The following COL5A1 variants were observed in gnomAD, a reference collection of about 807,000 sequenced individuals.
COL5A1 encodes collagen alpha-1(V) chain.
In COL5A1, 16 loss-of-function variants were observed where a neutral mutation model predicts 263.7. The observed-to-expected ratio is 0.06, with a 90% CI of 0.04 to 0.09. The LOEUF (loss-of-function observed/expected upper bound fraction) is 0.09, where lower values mean the gene tolerates loss of function less well. Among genes scored for constraint, COL5A1 ranks in the 10% least tolerant of loss-of-function variants. The pLI is 1.00. For missense variants in COL5A1, 2,036 were observed against 2,540.5 expected (o/e 0.80, Z 4.27); for synonymous variants, 1,012 against 1,004.5 (o/e 1.01, Z -0.14).
At chr9:134,669,072 C>G (rs909223500) in intron 1 of COL5A1, among the ~76,000 whole-genome samples, 3 of 150,774 alleles carry the variant, frequency 2.0e-5, no homozygotes, top group African/African-American at 7.3e-5. Context: ...TTCCATCCAT[C>G]CATCCACCCA....
Position 134,647,901 on chromosome 9 carries a change from C to A in COL5A1, c.109+5605C>A, listed in dbSNP as rs537554359. On this transcript the variant is annotated intron_variant, in intron 1 of 65. Coordinates refer to ENST00000371817, the MANE Select transcript of COL5A1 (RefSeq NM_000093.5). This position sits in a 1 kb window ranked among gnomAD's most constrained non-coding sequence, Gnocchi z 5.0. Reference sequence around the variant, plus strand: ...TCGATCCTGCAGGCGGAGCCCACAGCGGCCCTTGTGGTGGTTACTACTGAG... The same window carrying A: ...TCGATCCTGCAGGCGGAGCCCACAGAGGCCCTTGTGGTGGTTACTACTGAG... Among the ~76,000 whole-genome samples the A allele has an allele frequency of 2.0e-5, 3 of 152,190 alleles. No homozygotes were observed. Among genetic ancestry groups the A allele is most frequent in the Non-Finnish European group, 4.4e-5 (3 of 68,040 alleles).
In COL5A1 at chr9:134,806,169, G is replaced by C. The variant is rs1224927276; in HGVS notation, c.3259-20G>C. 1 of 1,533,286 alleles carries C rather than the reference G, an allele frequency of 6.5e-7. No individual in the cohort carries two copies. 95.0% of individuals were successfully genotyped at this position (1,533,286 alleles called of 1,614,324 possible). ...AGTCTGAGAGCCTTTGAAGCAGACT[G>C]TTTTCTTGCTCCACCTCAGGGATCT... On this transcript the variant is annotated intron_variant, in intron 41 of 65. Coordinates refer to ENST00000371817, the MANE Select transcript of COL5A1 (RefSeq NM_000093.5).
Position 134,806,223 on chromosome 9 carries a change from C to T in COL5A1, c.3293C>T (p.Ala1098Val), listed in dbSNP as rs545755681. ...SPGERGPAGA[A>V]GPIGIPGRPG... ...GGGGAGAGAGGTCCAGCTGGAGCCG[C>T]TGGGCCCATCGGAATTCCAGGGAGA... Residue 1098 changes from alanine to valine, a missense_variant, in exon 42 of 66, where the codon GCT (alanine) becomes GTT (valine). Transcript: ENST00000371817. 3.9e-6 allele frequency: 6 copies of T among 1,550,686 alleles called. No homozygotes were observed. The South Asian group carries it at 7.1e-5, about 18-fold the overall frequency.
chr9:134,745,206 A>G (rs1178433073), intron 11 of COL5A1, among the ~76,000 whole-genome samples: 1 of 152,236 alleles, frequency 6.6e-6, no homozygotes, highest in Non-Finnish European at 1.5e-5. Context: ...AAGCGAGCTC[A>G]GTGTTGAAGA....
At position 134,756,028 on chromosome 9, in the gene COL5A1, G is replaced by T. The variant is rs531736833; in HGVS notation, c.1828-737G>T. ...CAGCCCTCTGTTCTCGCTGGCTGGGGTGCCTCATTGGCGTGGAGGTCTGGC... is the reference window on the plus strand; with the variant it reads ...CAGCCCTCTGTTCTCGCTGGCTGGGTTGCCTCATTGGCGTGGAGGTCTGGC... On this transcript the variant is annotated intron_variant, in intron 16 of 65. Coordinates refer to ENST00000371817, the MANE Select transcript of COL5A1 (RefSeq NM_000093.5). 2.7e-3 allele frequency among the ~76,000 whole-genome samples: 413 copies of T among 152,226 alleles called. 2 individuals carry two copies. Among genetic ancestry groups the T allele is most frequent in the South Asian group, 5.8e-3 (28 of 4,808 alleles).
At chr9:134,728,522 C>A in intron 5 of COL5A1, 148 bp from the exon 6 acceptor site, 2 of 1,065,892 alleles carry the variant, frequency 1.9e-6, no homozygotes, top group Admixed American at 1.7e-5. Context: ...GAGGGAGGAA[C>A]CCCATCCGGG....
intron 2 of COL5A1, among the ~76,000 whole-genome samples, chr9:134,691,988 A>G (rs1033482352): frequency 2.6e-5 from 4 of 152,156 alleles, no homozygotes; most frequent in South Asian, 2.1e-4. Context: ...CCCCTGAAGG[A>G]CACCCTCTTT....
rs1430229673 is a variant in COL5A1 at position 134,843,529 on chromosome 9, A to C, written c.*1226A>C. On this transcript the variant is annotated 3_prime_UTR_variant, in exon 66 of 66. Coordinates refer to ENST00000371817, the MANE Select transcript of COL5A1 (RefSeq NM_000093.5). ...ATCAATGCACGTCACTTTCCTTTCC[A>C]CTGGGCAGGATAGCCAAGCACACTC... The C allele has an allele frequency of 6.6e-6, 1 of 152,460 alleles. No homozygotes were observed. The highest frequency in any genetic ancestry group is 1.5e-5 in the Non-Finnish European group (1 of 68,042). The allele number at this position is 152,460 out of a possible 1,614,324, so 9.4% of individuals were successfully genotyped here.
intron 1 of COL5A1, among the ~76,000 whole-genome samples, chr9:134,674,229 T>C (rs1832625817): frequency 6.6e-6 from 1 of 152,142 alleles, no homozygotes; most frequent in Non-Finnish European, 1.5e-5. Context: ...ACTCATGTGC[T>C]GTGTTATTGC....
At chr9:134,744,529 GCA>G (rs1234181066) in intron 11 of COL5A1, among the ~76,000 whole-genome samples, 3 of 139,244 alleles carry the variant, frequency 2.2e-5, no homozygotes, top group South Asian at 2.4e-4. Context: ...CCCCATACAT[GCA>G]CACTCACACC....
intron 14 of COL5A1, among the ~76,000 whole-genome samples, chr9:134,753,360 T>C (rs1835857731): frequency 6.6e-6 from 1 of 152,082 alleles, no homozygotes; most frequent in Non-Finnish European, 1.5e-5. Context: ...GAGTGTGGGT[T>C]TGCAGGCACA....
chr9:134,830,265 T>C, intron 64 of COL5A1: 2 of 1,350,246 alleles, frequency 1.5e-6, no homozygotes, highest in South Asian at 1.3e-5. Context: ...ATCGCTGCCA[T>C]GTGTGCCACA....
chr9:134,796,158 G>A (rs1837898763), intron 34 of COL5A1, among the ~76,000 whole-genome samples: 1 of 152,184 alleles, frequency 6.6e-6, no homozygotes, highest in Non-Finnish European at 1.5e-5. Flanking sequence ...GTAGACACTG[G>A]GCTGTCAGCT....
Position 134,765,283 on chromosome 9 carries a change from G to A in COL5A1, c.2035-398G>A, listed in dbSNP as rs1400542260. 6.6e-6 allele frequency among the ~76,000 whole-genome samples: 1 copy of A among 152,170 alleles called. No homozygotes were observed. The highest frequency in any genetic ancestry group is 1.5e-5 in the Non-Finnish European group (1 of 68,034). ...TATGTCGCTGCGGAGGGGAATTCAG[G>A]AGCGAGCCGGTAATGAGGATAGGGC... is the stretch of plus-strand genomic sequence containing the variant. On this transcript the variant is annotated intron_variant, in intron 20 of 65. Coordinates refer to ENST00000371817, the MANE Select transcript of COL5A1 (RefSeq NM_000093.5). This position sits in a 1 kb window ranked among gnomAD's most constrained non-coding sequence, Gnocchi z 5.1.
At chr9:134,816,972 A>G (rs563118788) in intron 52 of COL5A1, 54 bp from the exon 53 acceptor site, 39 of 1,538,984 alleles carry the variant, frequency 2.5e-5, no homozygotes, top group South Asian at 8.9e-5. Flanking sequence ...TTTTGCCTCA[A>G]TTGAGTCTAA....
rs550927140 is a variant in COL5A1, at chr9:134,844,650, G to A, written c.*2347G>A. On this transcript the variant is annotated 3_prime_UTR_variant, in exon 66 of 66. Coordinates refer to ENST00000371817, the MANE Select transcript of COL5A1 (RefSeq NM_000093.5). ...AGCAAAAAACCCAAGATAAAGTTTCGAGGACATCAGGCCTTTTGAAATACA... is the reference window on the plus strand; with the variant it reads ...AGCAAAAAACCCAAGATAAAGTTTCAAGGACATCAGGCCTTTTGAAATACA... 2.0e-5 allele frequency: 3 copies of A among 152,102 alleles called. No homozygotes were observed. The highest frequency in any genetic ancestry group is 6.6e-5 in the Admixed American group (1 of 15,264). The allele number at this position is 152,102 out of a possible 1,614,324, so 9.4% of individuals were successfully genotyped here.
chr9:134,796,570 C>T (rs1342589578), intron 35 of COL5A1, 152 bp downstream of exon 35: 4 of 854,412 alleles, frequency 4.7e-6, no homozygotes, highest in East Asian at 2.6e-5. Context: ...GGGTGGGTCA[C>T]GCCCTGGGAG....
intron 1 of COL5A1, among the ~76,000 whole-genome samples, chr9:134,654,253 T>G (rs1345053438): frequency 1.1e-3 from 72 of 68,476 alleles, no homozygotes; most frequent in East Asian, 1.9e-3. Flanking sequence ...CTGGGGGTGT[T>G]TTGGGCTGTA....
At chr9:134,839,418 C>G (rs771032415) in intron 65 of COL5A1, among the ~76,000 whole-genome samples, 1 of 152,230 alleles carries the variant, frequency 6.6e-6, no homozygotes, top group Admixed American at 6.5e-5. Flanking sequence ...TGAAATCACC[C>G]GACAGCTCAG....
Sources: allele counts gnomAD v4.1 joint callset (sites outside exome capture counted in the v4.1 genomes callset), GRCh38; gene constraint gnomAD v4.1.1; non-coding constraint Gnocchi (gnomAD v3.1); transcripts MANE v1.5; gene names NCBI Gene and HGNC (gene_info 2026-07-23, HGNC 2026-07-21).